RIC8B: variants seen among roughly 807,000 people sequenced by gnomAD.
RIC8B encodes the protein chaperone Ric-8B.
In RIC8B, 16 loss-of-function variants were observed where a neutral mutation model predicts 57.5. The ratio of observed to expected loss-of-function variants is 0.28; its 90% CI spans 0.19 to 0.42. The LOEUF (loss-of-function observed/expected upper bound fraction) is 0.42, where lower values mean the gene tolerates loss of function less well. Among genes scored for constraint, RIC8B ranks in the 10% least tolerant of loss-of-function variants. The pLI is 1.00. For synonymous variants in RIC8B, 216 were observed against 250.8 expected (o/e 0.86, Z 1.31); for missense variants, 481 against 677.0 (o/e 0.71, Z 3.21).
At chr12:106,776,553 A>G (rs2043499050) in intron 1 of RIC8B, among the ~76,000 whole-genome samples, 1 of 152,168 alleles carries the variant, frequency 6.6e-6, no homozygotes, top group Non-Finnish European at 1.5e-5. Context: ...ACGTTCTTTA[A>G]TATTTCTCCT....
intron 4 of RIC8B, among the ~76,000 whole-genome samples, chr12:106,826,688 G>C (rs927002018): frequency 6.6e-6 from 1 of 152,228 alleles, no homozygotes; most frequent in Non-Finnish European, 1.5e-5. Context: ...CTGGGAGGTG[G>C]AGGTTGCAGT....
intron 2 of RIC8B, among the ~76,000 whole-genome samples, chr12:106,784,924 C>G (rs1398541774): frequency 2.0e-5 from 3 of 152,220 alleles, no homozygotes; most frequent in Non-Finnish European, 4.4e-5. Flanking sequence ...AACCTCTGCT[C>G]TAATTCAGGC....
chr12:106,829,437 G>A (rs765140020), intron 4 of RIC8B, among the ~76,000 whole-genome samples: 14 of 152,058 alleles, frequency 9.2e-5, no homozygotes, highest in East Asian at 1.9e-4. Flanking sequence ...TCTCAATCTC[G>A]TTTTCTTTTA....
At position 106,774,691 on chromosome 12, in the gene RIC8B, T is replaced by G. The variant is rs1303316546; in HGVS notation, c.-55T>G. ...CGAGCGGGGGCGCGAGGCGTTTACCTGGAGGCAGCGGCTTGGGCGCGCAGA... is the reference window on the plus strand; with the variant it reads ...CGAGCGGGGGCGCGAGGCGTTTACCGGGAGGCAGCGGCTTGGGCGCGCAGA... On this transcript the variant is annotated 5_prime_UTR_variant, in exon 1 of 10. Transcript: ENST00000392837. The G allele has an allele frequency of 1.4e-6, 2 of 1,447,146 alleles. No homozygotes were observed. The highest frequency in any genetic ancestry group is 1.9e-6 in the Non-Finnish European group (2 of 1,056,112). The allele number at this position is 1,447,146 out of a possible 1,614,324, so 89.6% of individuals were successfully genotyped here. A position where few individuals can be genotyped will look rare whatever the true frequency, so the allele number is the denominator to read the frequency against.
intron 4 of RIC8B, among the ~76,000 whole-genome samples, chr12:106,835,819 A>G (rs530560986): frequency 6.6e-6 from 1 of 152,360 alleles, no homozygotes; most frequent in East Asian, 1.9e-4. Flanking sequence ...TTAGAGAACA[A>G]TGACCTGGTC....
intron 8 of RIC8B, among the ~76,000 whole-genome samples, chr12:106,860,880 GAGA>G (rs1378651808): frequency 1.3e-5 from 2 of 152,132 alleles, no homozygotes; most frequent in East Asian, 1.9e-4. Context: ...AATATCAAAA[GAGA>G]AGAAGTCTGG....
intron 3 of RIC8B, among the ~76,000 whole-genome samples, chr12:106,817,447 G>T (rs889790294): frequency 1.3e-5 from 2 of 152,122 alleles, no homozygotes; most frequent in Admixed American, 1.3e-4. Flanking sequence ...TGAACATTTT[G>T]TGGAAGTTAA....
intron 7 of RIC8B, among the ~76,000 whole-genome samples, chr12:106,852,491 AGATGGTATGT>A (rs2136471600): frequency 6.6e-6 from 1 of 152,376 alleles, no homozygotes; most frequent in Non-Finnish European, 1.5e-5. Context: ...GTTCACATTA[AGATGGTATGT>A]TAGTAACCTA....
intron 9 of RIC8B, among the ~76,000 whole-genome samples, chr12:106,885,674 A>G (rs1042884817): frequency 6.6e-6 from 1 of 151,826 alleles, no homozygotes; most frequent in Non-Finnish European, 1.5e-5. Flanking sequence ...TAATTGGCTT[A>G]GTAGGTTTGG....
intron 1 of RIC8B, among the ~76,000 whole-genome samples, chr12:106,780,315 T>G (rs2043708752): frequency 6.6e-6 from 1 of 152,142 alleles, no homozygotes; most frequent in Admixed American, 6.5e-5. Flanking sequence ...TATGGCAAGT[T>G]TTTGGCCAAA....
At chr12:106,868,327 A>G (rs1309706415) in intron 8 of RIC8B, 1 of 456,890 alleles carries the variant, frequency 2.2e-6, no homozygotes, top group Non-Finnish European at 4.4e-6. Context: ...GAGAGAAGCC[A>G]TCTCTCAAGA....
intron 1 of RIC8B, among the ~76,000 whole-genome samples, chr12:106,778,985 C>T (rs1448424792): frequency 6.6e-6 from 1 of 152,130 alleles, no homozygotes; most frequent in Non-Finnish European, 1.5e-5. Context: ...GCGATCTCGG[C>T]TTATCATAAC....
At chr12:106,793,126 T>C (rs1000189853) in intron 2 of RIC8B, among the ~76,000 whole-genome samples, 1 of 152,172 alleles carries the variant, frequency 6.6e-6, no homozygotes, top group Non-Finnish European at 1.5e-5. Flanking sequence ...CTGCTGAGAA[T>C]ACCGGGGCCA....
rs893618675 is a variant in RIC8B at position 106,786,141 on chromosome 12, A to ATT, written c.132+2122_132+2123dup. 2.4e-3 allele frequency among the ~76,000 whole-genome samples: 176 copies of ATT among 73,932 alleles called. 12 individuals are homozygous for ATT. Among genetic ancestry groups the ATT allele is most frequent in the African/African-American group, 3.9e-3 (70 of 17,848 alleles). 48.5% of individuals were successfully genotyped at this position (73,932 alleles called of 152,430 possible). ...AGCCACCACATTTGGCCCAAGGTGTATTTTTTTTTTTTTTTTTTTTTTTTT... is the reference window on the plus strand; with the variant it reads ...AGCCACCACATTTGGCCCAAGGTGTATTTTTTTTTTTTTTTTTTTTTTTTTTT... On this transcript the variant is annotated intron_variant, in intron 2 of 9. Coordinates refer to ENST00000392837, the MANE Select transcript of RIC8B (RefSeq NM_001330145.2).
chr12:106,872,407 GC>G (rs1431504429), intron 9 of RIC8B, among the ~76,000 whole-genome samples: 2 of 152,190 alleles, frequency 1.3e-5, no homozygotes, highest in Non-Finnish European at 2.9e-5. Flanking sequence ...AGTGGCTTAT[GC>G]CTGTAATCCC....
At chr12:106,862,424 A>C (rs1949979629) in intron 8 of RIC8B, among the ~76,000 whole-genome samples, 1 of 152,052 alleles carries the variant, frequency 6.6e-6, no homozygotes, top group South Asian at 2.1e-4. Context: ...TCTCTATGGA[A>C]GTGGTGGTAA....
chr12:106,878,931 A>ATGC, intron 9 of RIC8B: 1 of 979,796 alleles, frequency 1.0e-6, no homozygotes, highest in Non-Finnish European at 1.2e-6. Context: ...GGTCTCTAAC[A>ATGC]TGCTGTTTTA....
intron 8 of RIC8B, among the ~76,000 whole-genome samples, chr12:106,861,921 T>C (rs1035805446): frequency 2.0e-5 from 3 of 152,122 alleles, no homozygotes; most frequent in African/African-American, 7.2e-5. Flanking sequence ...TGTATCTCAA[T>C]ATGTATTGTT....
chr12:106,810,867 A>C (rs1238495882), intron 2 of RIC8B, among the ~76,000 whole-genome samples: 1 of 152,224 alleles, frequency 6.6e-6, no homozygotes, highest in African/African-American at 2.4e-5. Context: ...GTGTTTGTAC[A>C]TGCACGATCT....
Sources: allele counts gnomAD v4.1 joint callset (sites outside exome capture counted in the v4.1 genomes callset), GRCh38; gene constraint gnomAD v4.1.1; transcripts MANE v1.5; gene names NCBI Gene and HGNC (gene_info 2026-07-23, HGNC 2026-07-21).